GLIS3: variants seen among roughly 807,000 people sequenced by gnomAD.
GLIS3 encodes zinc finger protein GLIS3.
GLIS3 carries 53 observed loss-of-function variants against 78.6 expected under a neutral mutation model. The observed-to-expected ratio is 0.67, with a 90% CI of 0.54 to 0.85. The LOEUF is 0.85. Among genes scored for constraint, GLIS3 ranks in the 40% least tolerant of loss-of-function variants. The pLI is 0.00. For missense variants in GLIS3, 1,703 were observed against 1,231.1 expected (o/e 1.38, Z -5.74); for synonymous variants, 684 against 509.9 (o/e 1.34, Z -4.60).
chr9:4,171,716 T>C (rs1345319530), intron 2 of GLIS3, among the ~76,000 whole-genome samples: 1 of 152,236 alleles, frequency 6.6e-6, no homozygotes, highest in Non-Finnish European at 1.5e-5. Context: ...GAACTGTTTT[T>C]CTTTTGATAT....
rs368431647 is a variant in GLIS3, at chr9:4,308,334, C to G, written n.584+443G>C. Among the ~76,000 whole-genome samples the G allele has an allele frequency of 1.7e-3, 255 of 151,862 alleles. 9 individuals carry two copies. The South Asian group carries it at 0.05, about 30-fold the overall frequency. On this transcript the variant is annotated intron_variant and non_coding_transcript_variant, in intron 4 of 4. Transcript: ENST00000471664. ...GGGAGGAGGAGGATAAAGGGGTTAC[C>G]AGAGGAGAGGAGGTGAGAAAACAGA... is the stretch of plus-strand genomic sequence containing the variant.
chr9:4,429,627 C>T, the GLIS3 span, among the ~76,000 whole-genome samples: 1 of 152,150 alleles, frequency 6.6e-6, no homozygotes. Flanking sequence ...ATGTGTATGA[C>T]TATTTGATTA....
At chr9:4,038,948 A>C (rs1588510592) in intron 4 of GLIS3, among the ~76,000 whole-genome samples, 2 of 152,218 alleles carry the variant, frequency 1.3e-5, no homozygotes, top group Non-Finnish European at 2.9e-5. Flanking sequence ...CTGAGGAACT[A>C]ACTGCCCTCC....
chr9:4,207,932 G>A (rs768129091), intron 2 of GLIS3, among the ~76,000 whole-genome samples: 1 of 152,174 alleles, frequency 6.6e-6, no homozygotes, highest in Non-Finnish European at 1.5e-5. Context: ...CACTTCAGCT[G>A]CCCCAAAAAT....
chr9:3,860,395 T>C (rs950908490), intron 8 of GLIS3, among the ~76,000 whole-genome samples: 1 of 151,808 alleles, frequency 6.6e-6, no homozygotes, highest in African/African-American at 2.4e-5. Context: ...GGGTATTTAC[T>C]TGGCCACTCT....
intron 2 of GLIS3, among the ~76,000 whole-genome samples, chr9:4,230,427 G>C (rs1383024117): frequency 6.6e-6 from 1 of 152,160 alleles, no homozygotes; most frequent in Admixed American, 6.5e-5. Context: ...GACTGAGGTA[G>C]GGCCTCCTCC....
chr9:4,385,746 AAAG>A, the GLIS3 span, among the ~76,000 whole-genome samples: 5 of 6,350 alleles, frequency 7.9e-4, no homozygotes, highest in African/African-American at 2.1e-3. Flanking sequence ...AAAAAGAAAG[AAAG>A]AAAGAAAGAA....
chr9:4,319,962 A>C (rs1453634423), intron 2 of GLIS3, among the ~76,000 whole-genome samples: 3 of 151,478 alleles, frequency 2.0e-5, no homozygotes, highest in Admixed American at 2.0e-4. Context: ...ATTGGTCCTT[A>C]CAGTAGGTTA....
At chr9:3,849,014 C>CT (rs1224783274) in intron 9 of GLIS3, among the ~76,000 whole-genome samples, 1 of 152,210 alleles carries the variant, frequency 6.6e-6, no homozygotes, top group Non-Finnish European at 1.5e-5. Flanking sequence ...CCCACTGCTG[C>CT]TGCACTGATT....
At chr9:3,869,370 C>A (rs930691316) in intron 8 of GLIS3, among the ~76,000 whole-genome samples, 3 of 152,046 alleles carry the variant, frequency 2.0e-5, no homozygotes, top group African/African-American at 7.3e-5. Context: ...AGCAAAGCAA[C>A]AGGCTTAGTT....
the GLIS3 span, among the ~76,000 whole-genome samples, chr9:4,368,338 G>GTTTT: frequency 2.2e-5 from 3 of 135,168 alleles, no homozygotes; most frequent in African/African-American, 8.2e-5. Context: ...CAAGAACCCT[G>GTTTT]TTTTTTTTTT....
chr9:3,935,792 T>C (rs1157177858), intron 5 of GLIS3, among the ~76,000 whole-genome samples: 2 of 152,162 alleles, frequency 1.3e-5, no homozygotes, highest in Non-Finnish European at 2.9e-5. Flanking sequence ...TGTTCCATTT[T>C]ATTGGTCCTA....
At chr9:4,459,184 T>G in the GLIS3 span, among the ~76,000 whole-genome samples, 2 of 152,304 alleles carry the variant, frequency 1.3e-5, no homozygotes, top group Non-Finnish European at 2.9e-5. Context: ...ATGATGAAAC[T>G]TGAACCAGGT....
intron 2 of GLIS3, among the ~76,000 whole-genome samples, chr9:4,266,014 G>A (rs1166576157): frequency 6.6e-6 from 1 of 151,650 alleles, no homozygotes; most frequent in Non-Finnish European, 1.5e-5. Context: ...CGCCTCCCAG[G>A]TTCACACCAT....
chr9:4,435,898 A>G, the GLIS3 span, among the ~76,000 whole-genome samples: 37 of 152,290 alleles, frequency 2.4e-4, no homozygotes, highest in South Asian at 1.7e-3. Flanking sequence ...GCAGTGAGCC[A>G]AGATCGTGCC....
chr9:3,943,025 G>C lies in GLIS3; in HGVS notation c.1711-5836C>G, dbSNP rs1373446363. Reference sequence around the variant, plus strand: ...TAGGAAAAAAAAAAAGTAGAAGAAAGGTCAGAAAAAAAGGACCAAGAATCA... The same window carrying C: ...TAGGAAAAAAAAAAAGTAGAAGAAACGTCAGAAAAAAAGGACCAAGAATCA... On this transcript the variant is annotated intron_variant, in intron 4 of 10. Coordinates refer to ENST00000381971, the MANE Select transcript of GLIS3 (RefSeq NM_001042413.2). Among the ~76,000 whole-genome samples, 3 of 151,986 alleles carry C rather than the reference G, an allele frequency of 2.0e-5. No individual in the cohort carries two copies. In the East Asian group the frequency reaches 5.8e-4, roughly 29 times the overall value.
At chr9:3,888,615 A>G (rs949637499) in intron 7 of GLIS3, among the ~76,000 whole-genome samples, 9 of 152,202 alleles carry the variant, frequency 5.9e-5, no homozygotes, top group Admixed American at 3.9e-4. Flanking sequence ...TTCGATTATC[A>G]TGAGCCCTGG....
chr9:4,205,879 A>C (rs1355647729), intron 2 of GLIS3, among the ~76,000 whole-genome samples: 1 of 152,242 alleles, frequency 6.6e-6, no homozygotes, highest in Non-Finnish European at 1.5e-5. Context: ...CTCCTTTAAG[A>C]AATATGAATA....
At chr9:3,883,458 G>A (rs538070038) in intron 7 of GLIS3, among the ~76,000 whole-genome samples, 1 of 152,142 alleles carries the variant, frequency 6.6e-6, no homozygotes, top group Non-Finnish European at 1.5e-5. Flanking sequence ...TTAACCTCAG[G>A]AAGAAAATCT....
Sources: allele counts gnomAD v4.1 joint callset (sites outside exome capture counted in the v4.1 genomes callset), GRCh38; gene constraint gnomAD v4.1.1; transcripts MANE v1.5; gene names NCBI Gene and HGNC (gene_info 2026-07-23, HGNC 2026-07-21).